UPF2: variants seen among roughly 807,000 people sequenced by gnomAD.
UPF2 encodes the protein UPF2 regulator of nonsense mediated mRNA decay.
UPF2 carries 17 observed loss-of-function variants against 141.4 expected under a neutral mutation model. That is an observed-to-expected ratio of 0.12 (90% CI 0.08 to 0.18). UPF2 has a LOEUF of 0.18. UPF2 is among the 10% of genes least tolerant of loss of function. The pLI, the probability that UPF2 is intolerant of heterozygous loss-of-function variation, is 1.00. For synonymous variants in UPF2, 540 were observed against 498.0 expected (o/e 1.08, Z -1.12); for missense variants, 1,152 against 1,515.9 (o/e 0.76, Z 3.99).
At chr10:11,982,341 T>C (rs987939080) in intron 8 of UPF2, among the ~76,000 whole-genome samples, 1 of 152,090 alleles carries the variant, frequency 6.6e-6, no homozygotes, top group Non-Finnish European at 1.5e-5. Flanking sequence ...GACCCAGGTA[T>C]AAACTCTACA....
At chr10:11,952,406 C>T (rs1564342393) in intron 14 of UPF2, among the ~76,000 whole-genome samples, 157 bp from the exon 15 acceptor site, 1 of 151,538 alleles carries the variant, frequency 6.6e-6, no homozygotes, top group Non-Finnish European at 1.5e-5. Context: ...AGCAATGATC[C>T]TATTCCAATC....
intron 3 of UPF2, among the ~76,000 whole-genome samples, chr10:12,018,142 T>C (rs866623498): frequency 5.3e-5 from 8 of 152,142 alleles, no homozygotes; most frequent in Middle Eastern, 6.3e-3. Context: ...TTATAGTGCC[T>C]GAACATTTAA....
chr10:11,988,867 A>C (rs780529122), intron 8 of UPF2, among the ~76,000 whole-genome samples: 1 of 152,168 alleles, frequency 6.6e-6, no homozygotes, highest in Admixed American at 6.5e-5. Flanking sequence ...CACTCAAAGG[A>C]TAGAGAAAGC....
chr10:11,974,779 T>C (rs1833479006), intron 9 of UPF2, among the ~76,000 whole-genome samples: 1 of 151,898 alleles, frequency 6.6e-6, no homozygotes, highest in African/African-American at 2.4e-5. Flanking sequence ...AATTAAAGAG[T>C]TTTGAAACTC....
chr10:12,006,475 G>A (rs1277744256), intron 4 of UPF2, among the ~76,000 whole-genome samples: 2 of 152,044 alleles, frequency 1.3e-5, no homozygotes, highest in East Asian at 1.9e-4. Context: ...CATTAAATGT[G>A]ATTTATGAAA....
At chr10:11,942,972 T>C (rs952730464) in intron 17 of UPF2, 92 bp downstream of exon 17, 6 of 970,846 alleles carry the variant, frequency 6.2e-6, no homozygotes, top group African/African-American at 1.6e-5. Flanking sequence ...TTTTTCATAA[T>C]CAAAAGAAAC....
At chr10:11,966,915 A>G (rs962431751) in intron 10 of UPF2, among the ~76,000 whole-genome samples, 2 of 152,254 alleles carry the variant, frequency 1.3e-5, no homozygotes, top group Non-Finnish European at 2.9e-5. Context: ...ACAGAGTAAG[A>G]TAACTACCAC....
In UPF2 at chr10:11,956,473, G is replaced by A; in HGVS notation, c.2421C>T (p.Asp807=). 6.2e-7 allele frequency: 1 copy of A among 1,614,008 alleles called. No homozygotes were observed. ...KLPWQDQEVK[D]YVICCMINIW... is the part of the protein sequence containing the mutation. The stretch of plus-strand genomic sequence containing the variant: ...TGTTTATCATACAACAAATAACATA[G>A]TCTTTCACTTCTTGGTCCTGCCAGG... The change falls in exon 13 of 22, where the codon GAC becomes GAT. Residue 807 remains aspartate (D), a synonymous_variant. Coordinates refer to ENST00000357604, the MANE Select transcript of UPF2 (RefSeq NM_015542.4). The surrounding 1 kb of genome is among the most constrained non-coding windows in gnomAD (Gnocchi z 4.2).
chr10:11,947,040 A>G (rs373318773), intron 16 of UPF2, among the ~76,000 whole-genome samples: 107 of 152,360 alleles, frequency 7.0e-4, no homozygotes, highest in African/African-American at 2.2e-3. Flanking sequence ...CATCTCTACT[A>G]AAAATACAAA....
intron 4 of UPF2, among the ~76,000 whole-genome samples, chr10:12,006,291 CACACATGCA>C (rs1330898080): frequency 6.6e-6 from 1 of 152,196 alleles, no homozygotes; most frequent in Non-Finnish European, 1.5e-5. Flanking sequence ...TACCTATTTA[CACACATGCA>C]GTACATACAA....
intron 5 of UPF2, among the ~76,000 whole-genome samples, chr10:12,002,333 C>T (rs1833967162): frequency 6.6e-6 from 1 of 152,042 alleles, no homozygotes. Flanking sequence ...ATTATGTATA[C>T]CATTTGTTAA....
rs528069992 is a variant in UPF2, at chr10:11,995,855, C to T, written c.1844+1817G>A. Among the ~76,000 whole-genome samples, 9 of 152,216 alleles carry T rather than the reference C, an allele frequency of 5.9e-5. 1 individual carries two copies. Among genetic ancestry groups the T allele is most frequent in the African/African-American group, 1.9e-4 (8 of 41,532 alleles). ...CTCTGACTCCCTGCACATACTGTTG[C>T]CTCTGTCAGCAATGCTCTCCCTACA... On this transcript the variant is annotated intron_variant, in intron 8 of 21. Coordinates refer to ENST00000357604, the MANE Select transcript of UPF2 (RefSeq NM_015542.4).
intron 3 of UPF2, among the ~76,000 whole-genome samples, chr10:12,015,444 A>G (rs921117308): frequency 6.6e-6 from 1 of 152,202 alleles, no homozygotes; most frequent in African/African-American, 2.4e-5. Context: ...ACTCACGCCT[A>G]TAATCCCAGC....
At chr10:12,025,495 G>A (rs917724581) in intron 3 of UPF2, among the ~76,000 whole-genome samples, 10 of 151,996 alleles carry the variant, frequency 6.6e-5, no homozygotes, top group African/African-American at 2.4e-4. Flanking sequence ...AGGTTGCAGT[G>A]AGCCAAGACC....
chr10:12,024,193 C>T (rs1761160305), intron 3 of UPF2, among the ~76,000 whole-genome samples: 1 of 151,734 alleles, frequency 6.6e-6, no homozygotes. Context: ...TGCAGTGGCT[C>T]ACACTTGTAA....
At chr10:12,009,026 C>G (rs1263769282) in intron 4 of UPF2, among the ~76,000 whole-genome samples, 1 of 151,982 alleles carries the variant, frequency 6.6e-6, no homozygotes, top group Non-Finnish European at 1.5e-5. Context: ...TGAACTCACT[C>G]TTTTTTATGG....
intron 5 of UPF2, among the ~76,000 whole-genome samples, chr10:12,002,181 G>C (rs1833963880): frequency 6.6e-6 from 1 of 152,196 alleles, no homozygotes; most frequent in Non-Finnish European, 1.5e-5. Context: ...TGAGGCAGGA[G>C]AATTGCTTGA....
At chr10:12,006,710 G>A (rs764621972) in intron 4 of UPF2, among the ~76,000 whole-genome samples, 2 of 152,152 alleles carry the variant, frequency 1.3e-5, no homozygotes, top group Non-Finnish European at 2.9e-5. Context: ...ATAATATATA[G>A]AGCATAGTAT....
At chr10:12,000,161 G>T in intron 6 of UPF2, 152 bp from the exon 7 acceptor site, 1 of 639,692 alleles carries the variant, frequency 1.6e-6, no homozygotes, top group Non-Finnish European at 2.7e-6. Context: ...ATCCTAGAAA[G>T]TTTAGGTAAC....
Sources: allele counts gnomAD v4.1 joint callset (sites outside exome capture counted in the v4.1 genomes callset), GRCh38; gene constraint gnomAD v4.1.1; non-coding constraint Gnocchi (gnomAD v3.1); transcripts MANE v1.5; gene names NCBI Gene and HGNC (gene_info 2026-07-23, HGNC 2026-07-21).